Variants in CDC14B observed in about 807,000 individuals in gnomAD.
CDC14B encodes cell division cycle 14B.
CDC14B carries 22 observed loss-of-function variants against 64.2 expected under a neutral mutation model. The observed-to-expected ratio is 0.34, with a 90% CI of 0.24 to 0.49. CDC14B has a LOEUF of 0.49. CDC14B is among the 20% of genes least tolerant of loss of function. The probability of loss-of-function intolerance (pLI) is 0.99; values close to 1 mark genes in which losing one functional copy is unlikely to be tolerated. For synonymous variants in CDC14B, 191 were observed against 215.8 expected (o/e 0.89, Z 1.01); for missense variants, 498 against 629.9 (o/e 0.79, Z 2.24).
chr9:96,564,442 C>T (rs1843642651), intron 3 of CDC14B, among the ~76,000 whole-genome samples: 3 of 152,172 alleles, frequency 2.0e-5, no homozygotes, highest in African/African-American at 7.2e-5. Flanking sequence ...ATGGCCACAG[C>T]AAGGGAAGAG....
At chr9:96,575,068 G>C (rs1844722353) in intron 1 of CDC14B, among the ~76,000 whole-genome samples, 1 of 152,196 alleles carries the variant, frequency 6.6e-6, no homozygotes, top group African/African-American at 2.4e-5. Context: ...AAATCTTAGT[G>C]ATGTGATTTA....
chr9:96,599,748 T>C lies in CDC14B; in HGVS notation c.160+19471A>G, dbSNP rs557381537. Among the ~76,000 whole-genome samples the C allele has an allele frequency of 1.2e-4, 18 of 151,536 alleles. No homozygotes were observed. In the South Asian group the frequency reaches 3.7e-3, roughly 32 times the overall value. On this transcript the variant is annotated intron_variant, in intron 1 of 13. Transcript: ENST00000375241. ...TTCTGTAACTTTTCTTTTGTTTTCTTTTTTTTTTGAGACGGATTCTCACTT... is the reference window on the plus strand; with the variant it reads ...TTCTGTAACTTTTCTTTTGTTTTCTCTTTTTTTTGAGACGGATTCTCACTT...
At position 96,566,012 on chromosome 9, in the gene CDC14B, T is replaced by G. The variant is rs118105456; in HGVS notation, c.161-529A>C. Among the ~76,000 whole-genome samples, 590 of 152,364 alleles carry G rather than the reference T, an allele frequency of 3.9e-3. 3 individuals carry two copies. The highest frequency in any genetic ancestry group is 6.8e-3 in the Middle Eastern group (2 of 294). ...TTCTTAGGGATCACTACTTTCTAAC[T>G]TGGAATCACTACTTCGGTATTTTTA... On this transcript the variant is annotated intron_variant, in intron 1 of 13. Transcript: ENST00000375241.
intron 4 of CDC14B, among the ~76,000 whole-genome samples, chr9:96,560,539 T>C (rs1432199013): frequency 6.6e-6 from 1 of 151,878 alleles, no homozygotes; most frequent in Non-Finnish European, 1.5e-5. Flanking sequence ...CACTTCTCCA[T>C]ACTCTTTTTC....
intron 1 of CDC14B, among the ~76,000 whole-genome samples, chr9:96,616,263 T>C (rs1847616963): frequency 1.3e-5 from 2 of 151,284 alleles, no homozygotes; most frequent in African/African-American, 2.4e-5. Context: ...GAGGCAGAGG[T>C]TGTGGTGAGC....
intron 1 of CDC14B, among the ~76,000 whole-genome samples, chr9:96,610,436 G>A (rs1185441026): frequency 1.3e-5 from 2 of 152,006 alleles, no homozygotes; most frequent in Admixed American, 1.3e-4. Context: ...CTGACCTCGT[G>A]ATCCACCCGC....
chr9:96,540,941 G>GA (rs1433119499), intron 6 of CDC14B, among the ~76,000 whole-genome samples: 5 of 152,094 alleles, frequency 3.3e-5, no homozygotes, highest in Admixed American at 1.3e-4. Context: ...TTGATACAGG[G>GA]AAAAAAGTAT....
rs545491277 is a variant in CDC14B at position 96,520,230 on chromosome 9, A to C, written c.1343+2276T>G. Among the ~76,000 whole-genome samples, 6 of 152,330 alleles carry C rather than the reference A, an allele frequency of 3.9e-5. No homozygotes were observed. The South Asian group carries it at 1.2e-3, about 32-fold the overall frequency. On this transcript the variant is annotated intron_variant, in intron 12 of 13. Transcript: ENST00000375241. ...AACTAGCATTTCGCTTTCTTCTTTA[A>C]AAGTGTGGCCTAAAACTTTGTTATT...
chr9:96,563,605 G>A lies in CDC14B; in HGVS notation c.328-820C>T, dbSNP rs1357239104. Among the ~76,000 whole-genome samples, 3 of 144,962 alleles carry A rather than the reference G, an allele frequency of 2.1e-5. No homozygotes were observed. The South Asian group carries it at 6.4e-4, about 31-fold the overall frequency. On this transcript the variant is annotated intron_variant, in intron 3 of 13. Coordinates refer to ENST00000375241, the MANE Select transcript of CDC14B (RefSeq NM_033331.4). The stretch of plus-strand genomic sequence containing the variant: ...GTGGAGGTTATAGTGAGCCCAGATT[G>A]CTCCACTGCACTCCAGCCTGGGCAA...
At chr9:96,543,182 A>C (rs189545536) in intron 5 of CDC14B, among the ~76,000 whole-genome samples, 7,880 of 151,942 alleles carry the variant, frequency 0.052, 682 homozygotes, top group African/African-American at 0.18. Flanking sequence ...TAAAAATACG[A>C]AAAATGAGCC....
At position 96,566,747 on chromosome 9, in the gene CDC14B, G is replaced by A. The variant is rs781583808; in HGVS notation, c.161-1264C>T. 5 of 1,598,786 alleles carry A rather than the reference G, an allele frequency of 3.1e-6. No individual in the cohort carries two copies. In the South Asian group the frequency reaches 5.6e-5, roughly 18 times the overall value. ...GCGGGTGCCGGAGCCCCCAGGGGAAGCCCCCGCCCTCCCGGCTCACCTTTG... is the reference window on the plus strand; with the variant it reads ...GCGGGTGCCGGAGCCCCCAGGGGAAACCCCCGCCCTCCCGGCTCACCTTTG... On this transcript the variant is annotated intron_variant, in intron 1 of 13. Transcript: ENST00000375241.
exon 14 of CDC14B, chr9:96,491,386 G>A (rs1235062558): frequency 3.9e-5 from 6 of 152,244 alleles, no homozygotes; most frequent in Non-Finnish European, 8.8e-5. Context: ...ACAGCAGTCG[G>A]TCATGATTTT....
intron 1 of CDC14B, among the ~76,000 whole-genome samples, chr9:96,604,653 T>TG (rs1377039490): frequency 5.3e-5 from 8 of 151,556 alleles, no homozygotes; most frequent in African/African-American, 1.9e-4. Flanking sequence ...CCACCACACC[T>TG]GGCCTTTTTT....
intron 1 of CDC14B, among the ~76,000 whole-genome samples, chr9:96,602,344 A>G (rs1046146595): frequency 6.6e-6 from 1 of 151,850 alleles, no homozygotes; most frequent in African/African-American, 2.4e-5. Flanking sequence ...CCTCTGCAAA[A>G]AAGAATTACG....
At chr9:96,511,430 G>T (rs1834890718) in intron 12 of CDC14B, among the ~76,000 whole-genome samples, 1 of 152,188 alleles carries the variant, frequency 6.6e-6, no homozygotes, top group South Asian at 2.1e-4. Context: ...AATTAGCCGA[G>T]TGTGGTGGCA....
At chr9:96,520,980 A>G (rs1398230617) in intron 12 of CDC14B, among the ~76,000 whole-genome samples, 1 of 152,188 alleles carries the variant, frequency 6.6e-6, no homozygotes, top group East Asian at 1.9e-4. Flanking sequence ...AAGAAAAACC[A>G]TTAAGGCCTT....
intron 7 of CDC14B, among the ~76,000 whole-genome samples, chr9:96,536,897 T>C (rs1435710558): frequency 6.9e-6 from 1 of 144,532 alleles, no homozygotes; most frequent in African/African-American, 2.9e-5. Context: ...AATCAAATTA[T>C]TTATTCTTTT....
chr9:96,522,524 G>A lies in CDC14B; in HGVS notation c.1325C>T (p.Thr442Ile), dbSNP rs552956427. ...GACTCACGTGAGAGGAATAGCGTTTGTTTTGGATTGTCTTCTGCTTTTCAA... is the reference window on the plus strand; with the variant it reads ...GACTCACGTGAGAGGAATAGCGTTTATTTTGGATTGTCTTCTGCTTTTCAA... ...RALKSRRQSK[T>I]NAIPLTVILQ... The change falls in exon 12 of 14, where the codon ACA becomes ATA. Residue 442 changes from threonine (T) to isoleucine (I), a missense_variant. Coordinates refer to ENST00000375241, the MANE Select transcript of CDC14B (RefSeq NM_033331.4). 100 of 1,612,080 alleles carry A rather than the reference G, an allele frequency of 6.2e-5. 1 individual carries two copies. Among genetic ancestry groups the A allele is most frequent in the South Asian group, 4.8e-4 (44 of 91,046 alleles).
At chr9:96,614,197 A>G (rs759424728) in intron 1 of CDC14B, among the ~76,000 whole-genome samples, 5 of 152,118 alleles carry the variant, frequency 3.3e-5, no homozygotes, top group African/African-American at 4.8e-5. Context: ...TTTAGCCAGT[A>G]GCTATTACCA....
Sources: gnomAD v4.1 joint callset for allele counts (sites outside exome capture counted in the v4.1 genomes callset) on GRCh38, gnomAD v4.1.1 for gene constraint, MANE v1.5 for transcripts, NCBI Gene and HGNC (gene_info 2026-07-23, HGNC 2026-07-21) for gene names.